PCDH9: variants seen among roughly 807,000 people sequenced by gnomAD.
PCDH9 encodes protocadherin 9.
In PCDH9, 24 loss-of-function variants were observed where a neutral mutation model predicts 70.6. That is an observed-to-expected ratio of 0.34 (90% CI 0.25 to 0.48). The LOEUF is 0.48. Ranked by LOEUF, PCDH9 falls within the 20% of genes least tolerant of loss-of-function variation. The pLI is 0.99. For synonymous variants in PCDH9, 562 were observed against 558.5 expected, an observed-to-expected ratio of 1.01 and a Z score of -0.09; for missense variants, 1,281 against 1,503.6, an observed-to-expected ratio of 0.85 and a Z score of 2.45.
chr13:66,874,858 CCAT>C (rs1054416648), intron 3 of PCDH9, among the ~76,000 whole-genome samples: 9 of 150,974 alleles, frequency 6.0e-5, no homozygotes, highest in Non-Finnish European at 1.2e-4. Context: ...TTTTTTTTCT[CCAT>C]CAGAGTTTTT....
intron 4 of PCDH9, among the ~76,000 whole-genome samples, chr13:66,403,615 G>C (rs1957228596): frequency 6.6e-6 from 1 of 152,048 alleles, no homozygotes; most frequent in Admixed American, 6.6e-5. Flanking sequence ...GCTTTTGTAT[G>C]TGGGTTACAT....
At chr13:66,812,567 T>C (rs1441799615) in intron 3 of PCDH9, among the ~76,000 whole-genome samples, 2 of 152,198 alleles carry the variant, frequency 1.3e-5, no homozygotes, top group African/African-American at 4.8e-5. Flanking sequence ...TTTCACTGCC[T>C]AGGGCACTGT....
intron 2 of PCDH9, among the ~76,000 whole-genome samples, chr13:66,908,011 T>G (rs982064894): frequency 7.2e-5 from 11 of 152,204 alleles, no homozygotes; most frequent in African/African-American, 2.7e-4. Context: ...CATGAAGAAT[T>G]CTAAAACAGA....
At chr13:66,467,393 T>C (rs1027659547) in intron 4 of PCDH9, among the ~76,000 whole-genome samples, 2 of 152,060 alleles carry the variant, frequency 1.3e-5, no homozygotes, top group African/African-American at 4.8e-5. Flanking sequence ...GTCAGGTACC[T>C]ATGTCTACTC....
At chr13:67,123,659 T>C (rs2086918794) in intron 2 of PCDH9, among the ~76,000 whole-genome samples, 1 of 152,200 alleles carries the variant, frequency 6.6e-6, no homozygotes, top group Non-Finnish European at 1.5e-5. Flanking sequence ...CTGTTTCATT[T>C]GTACCTACAA....
At position 67,078,429 on chromosome 13, in the gene PCDH9, G is replaced by A. The variant is rs1004885970; in HGVS notation, c.3036+146976C>T. On this transcript the variant is annotated intron_variant, in intron 2 of 4. Transcript: ENST00000377865. ...TTTATTCTTCAATGAATGCCTTGTA[G>A]GTCTTTTACCATCTTAGTGTCTGCT... 5.3e-5 allele frequency among the ~76,000 whole-genome samples: 8 copies of A among 152,048 alleles called. No homozygotes were observed. The East Asian group carries it at 1.5e-3, about 29-fold the overall frequency.
intron 2 of PCDH9, among the ~76,000 whole-genome samples, chr13:67,113,394 T>C (rs2086694060): frequency 6.6e-6 from 1 of 152,232 alleles, no homozygotes; most frequent in Admixed American, 6.5e-5. Context: ...CAGTGGTCCG[T>C]GTCTTATAAC....
chr13:66,327,565 T>C (rs554235092), intron 4 of PCDH9, among the ~76,000 whole-genome samples: 3 of 152,346 alleles, frequency 2.0e-5, no homozygotes, highest in East Asian at 1.9e-4. Flanking sequence ...TATGTAAGTA[T>C]GTAAAACATA....
At chr13:66,514,925 G>A (rs2138593345) in intron 4 of PCDH9, among the ~76,000 whole-genome samples, 1 of 152,174 alleles carries the variant, frequency 6.6e-6, no homozygotes, top group East Asian at 1.9e-4. Context: ...ATTTGTCTCA[G>A]TTTAAATTCA....
intron 2 of PCDH9, among the ~76,000 whole-genome samples, chr13:67,194,939 T>A (rs1455731642): frequency 6.6e-6 from 1 of 152,148 alleles, no homozygotes; most frequent in Non-Finnish European, 1.5e-5. Context: ...TCAAAAAAAG[T>A]CATTTGTAAT....
At chr13:67,210,610 A>C (rs918574774) in intron 2 of PCDH9, 2 of 151,652 alleles carry the variant, frequency 1.3e-5, no homozygotes, top group Non-Finnish European at 3.0e-5. Flanking sequence ...CTGTAGTTCA[A>C]TTTTTAATAA....
intron 4 of PCDH9, among the ~76,000 whole-genome samples, chr13:66,365,691 C>A (rs546145470): frequency 2.0e-5 from 3 of 152,188 alleles, no homozygotes; most frequent in African/African-American, 4.8e-5. Flanking sequence ...ATGCAACTAC[C>A]AAATCCATCT....
chr13:66,603,030 A>C lies in PCDH9; in HGVS notation c.3340+28180T>G, dbSNP rs757605386. Among the ~76,000 whole-genome samples, 32 of 145,916 alleles carry C rather than the reference A, an allele frequency of 2.2e-4. 4 individuals are homozygous for C. The highest frequency in any genetic ancestry group is 3.5e-4 in the Non-Finnish European group (23 of 64,888). On this transcript the variant is annotated intron_variant, in intron 4 of 4. Transcript: ENST00000377865. ...CGATACCATCTAGGTTTGTGTAAGT[A>C]CCCTCTTTGATGTTCAAACTATGAC...
chr13:66,968,309 C>T (rs1298144390), intron 2 of PCDH9, among the ~76,000 whole-genome samples: 1 of 151,984 alleles, frequency 6.6e-6, no homozygotes, highest in Non-Finnish European at 1.5e-5. Flanking sequence ...CTTCAAGCTA[C>T]TCTGATCAGG....
At chr13:66,522,625 G>T (rs1050027623) in intron 4 of PCDH9, among the ~76,000 whole-genome samples, 1 of 151,972 alleles carries the variant, frequency 6.6e-6, no homozygotes, top group Admixed American at 6.6e-5. Context: ...GTTTGAGAGA[G>T]CCCTAAGTCC....
At chr13:66,341,171 A>G (rs775905224) in intron 4 of PCDH9, among the ~76,000 whole-genome samples, 3 of 152,044 alleles carry the variant, frequency 2.0e-5, no homozygotes, top group Non-Finnish European at 2.9e-5. Flanking sequence ...GACTCACTGA[A>G]GCCTGAACTC....
chr13:66,725,831 T>C (rs952871121), intron 3 of PCDH9, among the ~76,000 whole-genome samples: 1 of 152,190 alleles, frequency 6.6e-6, no homozygotes, highest in African/African-American at 2.4e-5. Flanking sequence ...TAATCAATTT[T>C]ATTCCCCTGG....
At chr13:66,443,351 G>C (rs891560753) in intron 4 of PCDH9, among the ~76,000 whole-genome samples, 1 of 152,094 alleles carries the variant, frequency 6.6e-6, no homozygotes, top group Non-Finnish European at 1.5e-5. Flanking sequence ...AAAGGGCATA[G>C]CATTTTAAAT....
chr13:66,755,586 TTAAAG>T (rs768652511), intron 3 of PCDH9, among the ~76,000 whole-genome samples: 5 of 152,116 alleles, frequency 3.3e-5, no homozygotes, highest in African/African-American at 4.8e-5. Context: ...TTAGCTTTCT[TTAAAG>T]TAAACCAAAA....
Sources: gnomAD v4.1 joint callset for allele counts (sites outside exome capture counted in the v4.1 genomes callset) on GRCh38, gnomAD v4.1.1 for gene constraint, MANE v1.5 for transcripts, NCBI Gene and HGNC (gene_info 2026-07-23, HGNC 2026-07-21) for gene names.